The following CFTR variants were observed in gnomAD, a reference collection of about 807,000 sequenced individuals.
CFTR encodes CF transmembrane conductance regulator.
In CFTR, 181 loss-of-function variants were observed where a neutral mutation model predicts 171.6. That is an observed-to-expected ratio of 1.05 (90% CI 0.93 to 1.19). The LOEUF (loss-of-function observed/expected upper bound fraction) is 1.19, where lower values mean the gene tolerates loss of function less well. CFTR is among the 50% of genes most tolerant of loss of function. The pLI is 0.00. For synonymous variants in CFTR, 583 were observed against 608.0 expected, an observed-to-expected ratio of 0.96 and a Z score of 0.60; for missense variants, 1,968 against 1,734.7, an observed-to-expected ratio of 1.13 and a Z score of -2.39.
At chr7:117,603,849 T>C (rs1187693213) in intron 17 of CFTR, 67 bp downstream of exon 17, 1 of 1,576,102 alleles carries the variant, frequency 6.3e-7, no homozygotes, top group Non-Finnish European at 8.7e-7. Context: ...GTTTTGTTGG[T>C]TTTCTAATGG....
intron 4 of CFTR, among the ~76,000 whole-genome samples, chr7:117,532,729 C>T (rs4148697): frequency 0.25 from 38,085 of 152,014 alleles, 5,039 homozygotes; most frequent in East Asian, 0.42. Flanking sequence ...GGTATTGTAT[C>T]TGTCTTCCTT....
At chr7:117,538,687 A>G (rs1204180029) in intron 7 of CFTR, among the ~76,000 whole-genome samples, 4 of 152,220 alleles carry the variant, frequency 2.6e-5, no homozygotes, top group East Asian at 1.9e-4. Flanking sequence ...AGGAGATGAC[A>G]TGTTTTCCTT....
At chr7:117,499,903 A>G (rs1798294584) in intron 1 of CFTR, among the ~76,000 whole-genome samples, 1 of 152,196 alleles carries the variant, frequency 6.6e-6, no homozygotes, top group South Asian at 2.1e-4. Flanking sequence ...TGTAGTGGCT[A>G]TGAATGGAGG....
Position 117,593,889 on chromosome 7 carries a change from C to A in CFTR, c.2491-1041C>A, listed in dbSNP as rs183584654. Among the ~76,000 whole-genome samples the A allele has an allele frequency of 1.2e-3, 176 of 152,272 alleles. 4 individuals are homozygous for A. The highest frequency in any genetic ancestry group is 4.1e-3 in the African/African-American group (170 of 41,574). ...TATTACAGGCGTGTGCCACCACGTC[C>A]AGCCTGAGCCACTGCGCCCAGCCCA... On this transcript the variant is annotated intron_variant, in intron 14 of 26. Coordinates refer to ENST00000003084, the MANE Select transcript of CFTR (RefSeq NM_000492.4).
Position 117,595,023 on chromosome 7 carries a change from G to A in CFTR, c.2584G>A (p.Val862Met). The change falls in exon 15 of 27, where the codon GTG becomes ATG. Residue 862 changes from valine (V) to methionine (M), a missense_variant. By Grantham distance (21) the Val-to-Met change is conservative. Coordinates refer to ENST00000003084, the MANE Select transcript of CFTR (RefSeq NM_000492.4). The stretch of plus-strand genomic sequence containing the variant: ...TACTGTCCACAAGAGCTTAATTTTT[G>A]TGCTAATTTGGTGCTTAGTAATTTT... ...YITVHKSLIF[V>M]LIWCLVIFLA... The A allele has an allele frequency of 6.2e-7, 1 of 1,612,882 alleles. No individual in the cohort carries two copies. Among genetic ancestry groups the A allele is most frequent in the Non-Finnish European group, 8.5e-7 (1 of 1,179,390 alleles).
rs764122310 is a variant in CFTR at position 117,540,361 on chromosome 7, T to A, written c.1116+15T>A. ...ACAAAATACAGGTAATGTACCATAA[T>A]GCTGCATTATATACTATGATTTAAA... On this transcript the variant is annotated intron_variant, in intron 8 of 26. Coordinates refer to ENST00000003084, the MANE Select transcript of CFTR (RefSeq NM_000492.4). 1 of 1,608,490 alleles carries A rather than the reference T, an allele frequency of 6.2e-7. No individual in the cohort carries two copies. Among genetic ancestry groups the A allele is most frequent in the African/African-American group, 1.3e-5 (1 of 74,806 alleles).
intron 20 of CFTR, among the ~76,000 whole-genome samples, chr7:117,612,019 A>ATGTG (rs1554392372): frequency 2.2e-5 from 1 of 44,938 alleles, no homozygotes; most frequent in South Asian, 6.1e-4. Context: ...ATATATATAT[A>ATGTG]TATGTATATA....
intron 11 of CFTR, among the ~76,000 whole-genome samples, chr7:117,573,395 T>G (rs533209746): frequency 2.0e-5 from 3 of 152,276 alleles, no homozygotes; most frequent in East Asian, 3.9e-4. Flanking sequence ...CCCAATGTGT[T>G]GTATACACAG....
chr7:117,521,843 C>T (rs1798690482), intron 3 of CFTR, among the ~76,000 whole-genome samples: 1 of 151,862 alleles, frequency 6.6e-6, no homozygotes, highest in African/African-American at 2.4e-5. Flanking sequence ...ATTTTTTTCA[C>T]CTGAACTTTC....
intron 3 of CFTR, among the ~76,000 whole-genome samples, chr7:117,524,996 A>C (rs1798751933): frequency 1.3e-5 from 2 of 152,214 alleles, no homozygotes; most frequent in South Asian, 4.1e-4. Context: ...GAAGTACAAA[A>C]CATACATAAA....
chr7:117,621,405 T>C (rs1792578320), intron 21 of CFTR, among the ~76,000 whole-genome samples: 1 of 152,182 alleles, frequency 6.6e-6, no homozygotes, highest in Non-Finnish European at 1.5e-5. Flanking sequence ...ACAACTCAAC[T>C]CAGTCTTTGT....
intron 3 of CFTR, among the ~76,000 whole-genome samples, chr7:117,517,174 A>G (rs959435574): frequency 6.6e-6 from 1 of 152,100 alleles, no homozygotes; most frequent in Admixed American, 6.6e-5. Context: ...CATCATCTAC[A>G]TTAGGTATTT....
intron 3 of CFTR, among the ~76,000 whole-genome samples, chr7:117,516,841 A>G (rs958224147): frequency 6.6e-6 from 1 of 152,132 alleles, no homozygotes; most frequent in Non-Finnish European, 1.5e-5. Context: ...TTATCAAATC[A>G]CAGTTTTGCC....
At chr7:117,615,721 C>T (rs1404756243) in intron 21 of CFTR, among the ~76,000 whole-genome samples, 2 of 151,628 alleles carry the variant, frequency 1.3e-5, no homozygotes, top group African/African-American at 4.8e-5. Flanking sequence ...GGCACAAATC[C>T]CATTGCAGCG....
At chr7:117,501,955 C>T (rs1007679014) in intron 1 of CFTR, among the ~76,000 whole-genome samples, 10 of 152,116 alleles carry the variant, frequency 6.6e-5, no homozygotes, top group East Asian at 5.8e-4. Context: ...AACTGTGTAT[C>T]CCTTCCCAAC....
intron 21 of CFTR, among the ~76,000 whole-genome samples, chr7:117,622,073 A>G (rs902793758): frequency 2.6e-5 from 4 of 152,216 alleles, no homozygotes; most frequent in Admixed American, 2.6e-4. Flanking sequence ...TGACTTCTCA[A>G]GTGATTTGAC....
intron 3 of CFTR, among the ~76,000 whole-genome samples, chr7:117,525,334 G>C (rs1452035819): frequency 1.4e-5 from 2 of 147,432 alleles, no homozygotes; most frequent in Non-Finnish European, 3.0e-5. Context: ...GGTGTGGTGT[G>C]GTGCTGAAAA....
At position 117,666,089 on chromosome 7, in the gene CFTR, T is replaced by C. The variant is rs111611402; in HGVS notation, c.4242+525T>C. On this transcript the variant is annotated intron_variant, in intron 26 of 26. Transcript: ENST00000003084. ...AAAACTGTCACATGGCCAGGCACAG[T>C]GGCTTACATCTGTAATCCCAATACT... 5.4e-3 allele frequency among the ~76,000 whole-genome samples: 823 copies of C among 152,280 alleles called. 7 individuals are homozygous for C. Among genetic ancestry groups the C allele is most frequent in the African/African-American group, 0.018 (755 of 41,570 alleles).
At chr7:117,509,408 T>A (rs1798477820) in intron 3 of CFTR, among the ~76,000 whole-genome samples, 1 of 152,196 alleles carries the variant, frequency 6.6e-6, no homozygotes, top group Admixed American at 6.5e-5. Flanking sequence ...TCTGTTATGA[T>A]TCCAAATCAC....
Sources: allele counts gnomAD v4.1 joint callset (sites outside exome capture counted in the v4.1 genomes callset), GRCh38; gene constraint gnomAD v4.1.1; transcripts MANE v1.5; gene names NCBI Gene and HGNC (gene_info 2026-07-23, HGNC 2026-07-21).